SLC45A2: variants seen among roughly 807,000 people sequenced by gnomAD.
SLC45A2 encodes the protein solute carrier family 45 member 2, also known as membrane-associated transporter protein.
In SLC45A2, 36 loss-of-function variants were observed where a neutral mutation model predicts 45.5. The observed-to-expected ratio is 0.79, with a 90% CI of 0.61 to 1.04. SLC45A2 has a LOEUF of 1.04. SLC45A2 is among the 50% of genes least tolerant of loss of function. The pLI is 0.00. For synonymous variants in SLC45A2, 306 were observed against 269.3 expected (o/e 1.14, Z -1.33); for missense variants, 719 against 671.0 (o/e 1.07, Z -0.79).
chr5:33,969,065 C>CTCTGTGTGTGTGTGTG lies in SLC45A2; in HGVS notation c.563-5050_563-5049insCACACACACACACAGA. Among the ~76,000 whole-genome samples the CTCTGTGTGTGTGTGTG allele has an allele frequency of 7.2e-4, 74 of 102,464 alleles. 1 individual carries two copies. The Middle Eastern group carries it at 0.015, about 20-fold the overall frequency. The allele number at this position is 102,464 out of a possible 152,430, so 67.2% of individuals were successfully genotyped here. A position where few individuals can be genotyped will look rare whatever the true frequency, so the allele number is the denominator to read the frequency against. On this transcript the variant is annotated intron_variant, in intron 2 of 6. Coordinates refer to ENST00000296589, the MANE Select transcript of SLC45A2 (RefSeq NM_016180.5). ...AGCTACTCTCTCTCTCTCTCTCTCTCTGTGTGTGTGTGTGTGTGTGTGTGT... is the reference window on the plus strand; with the variant it reads ...AGCTACTCTCTCTCTCTCTCTCTCTCTCTGTGTGTGTGTGTGTGTGTGTGTGTGTGTGTGTGTGTGT...
intron 2 of SLC45A2, among the ~76,000 whole-genome samples, chr5:33,980,721 A>T (rs1419402989): frequency 6.6e-6 from 1 of 152,148 alleles, no homozygotes; most frequent in African/African-American, 2.4e-5. Context: ...GGAGAGAGAG[A>T]GACAGATGAT....
At chr5:33,964,653 G>A (rs184485867) in intron 2 of SLC45A2, among the ~76,000 whole-genome samples, 10 of 152,072 alleles carry the variant, frequency 6.6e-5, no homozygotes, top group East Asian at 1.9e-4. Context: ...TCCTATTATC[G>A]TTTCCCAGGA....
chr5:33,963,608 C>T, intron 3 of SLC45A2, 83 bp downstream of exon 3: 1 of 1,472,708 alleles, frequency 6.8e-7, no homozygotes. Flanking sequence ...GTCAAACAGA[C>T]AAAACAAACA....
Position 33,984,415 on chromosome 5 carries a change from TC to T in SLC45A2, c.168del (p.Thr57ProfsTer7), listed in dbSNP as rs1753181723. 5 of 1,613,292 alleles carry T rather than the reference TC, an allele frequency of 3.1e-6. No homozygotes were observed. On this transcript the variant is annotated frameshift_variant, in exon 1 of 7. Transcript: ENST00000296589. LOFTEE classifies it high-confidence loss of function. ...EFCYAVEAAY[V>X]TPVLLSVGLP... ...AGACCTACGCTGAGCAGGACTGGGG[TC>T]ACATACGCTGCCTCCACCGCGTAGC...
rs554432032 is a variant in SLC45A2 at position 33,977,970 on chromosome 5, A to G, written c.562+4266T>C. ...AATCTGGAAGCTATCAGTTGGCTCA[A>G]TTGGAGTGGGAAGAAACTGGAGACT... On this transcript the variant is annotated intron_variant, in intron 2 of 6. Transcript: ENST00000296589. Among the ~76,000 whole-genome samples, 49 of 152,336 alleles carry G rather than the reference A, an allele frequency of 3.2e-4. 2 individuals carry two copies. Among genetic ancestry groups the G allele is most frequent in the Admixed American group, 2.5e-3 (39 of 15,304 alleles).
rs756359597 is a variant in SLC45A2, at chr5:33,984,382, T to C, written c.202A>G (p.Ser68Gly). ...PVLLSVGLPS[S>G]LYSIVWFLSP... ...AGGAACCACACAATGCTGTACAGGC[T>C]GCTGGGCAGACCTACGCTGAGCAGG... Residue 68 changes from serine to glycine, a missense_variant, in exon 1 of 7, where the codon AGC (serine) becomes GGC (glycine). Transcript: ENST00000296589. 3 of 1,613,660 alleles carry C rather than the reference T, an allele frequency of 1.9e-6. No individual in the cohort carries two copies. The highest frequency in any genetic ancestry group is 2.2e-5 in the South Asian group (2 of 91,044).
chr5:33,961,236 T>C (rs1420640523), intron 3 of SLC45A2, among the ~76,000 whole-genome samples: 3 of 152,148 alleles, frequency 2.0e-5, no homozygotes, highest in Admixed American at 6.5e-5. Flanking sequence ...GCTGGATTAA[T>C]ATCAAAAACA....
chr5:33,984,208 C>T lies in SLC45A2; in HGVS notation c.376G>A (p.Val126Ile), dbSNP rs375501171. Residue 126 changes from valine to isoleucine, a missense_variant, in exon 1 of 7, where the codon GTT becomes ATT. Val to Ile is a conservative substitution (Grantham distance 29, BLOSUM62 3). Transcript: ENST00000296589. ...GMALYLNGATVVAALIANPRR... is the reference protein window; with the variant it reads ...GMALYLNGATIVAALIANPRR... ...TGTGCAGCCCACTTACCTGCTACAA[C>T]AGTAGCCCCATTGAGGTACAGAGCC... The T allele has an allele frequency of 2.5e-6, 4 of 1,614,040 alleles. No individual in the cohort carries two copies. The highest frequency in any genetic ancestry group is 3.4e-6 in the Non-Finnish European group (4 of 1,180,006).
At chr5:33,965,154 G>A (rs74894110) in intron 2 of SLC45A2, among the ~76,000 whole-genome samples, 3 of 151,330 alleles carry the variant, frequency 2.0e-5, no homozygotes, top group Admixed American at 6.6e-5. Flanking sequence ...TTTTTTTTGT[G>A]TGTGTGTATG....
intron 2 of SLC45A2, 112 bp downstream of exon 2, chr5:33,982,124 C>A: frequency 8.2e-7 from 1 of 1,218,346 alleles, no homozygotes; most frequent in Non-Finnish European, 1.2e-6. Flanking sequence ...AGCAGCCCAT[C>A]AGCTGACCCG....
intron 6 of SLC45A2, 100 bp downstream of exon 6, chr5:33,947,063 C>A (rs6894408): frequency 1.8e-5 from 29 of 1,612,262 alleles, no homozygotes; most frequent in Middle Eastern, 1.8e-4. Context: ...TTTCAAGAAC[C>A]CTTATTTTCC....
chr5:33,958,794 G>A (rs1032098971), intron 3 of SLC45A2, among the ~76,000 whole-genome samples: 1 of 152,068 alleles, frequency 6.6e-6, no homozygotes, highest in African/African-American at 2.4e-5. Flanking sequence ...TACTCGTGTG[G>A]GAGTTCCATG....
intron 2 of SLC45A2, among the ~76,000 whole-genome samples, chr5:33,965,047 A>G (rs1212344838): frequency 6.6e-6 from 1 of 152,152 alleles, no homozygotes; most frequent in Non-Finnish European, 1.5e-5. Context: ...TGTAGGACTG[A>G]TCCTCCTGTC....
intron 5 of SLC45A2, among the ~76,000 whole-genome samples, chr5:33,947,804 T>C (rs892695531): frequency 5.3e-5 from 8 of 152,148 alleles, no homozygotes; most frequent in Non-Finnish European, 7.4e-5. Context: ...CAAAGTCAGG[T>C]TGGGGAAAAT....
chr5:33,982,668 A>G (rs1753113657), intron 1 of SLC45A2, among the ~76,000 whole-genome samples: 1 of 152,162 alleles, frequency 6.6e-6, no homozygotes, highest in Admixed American at 6.5e-5. Flanking sequence ...AGTGGACGTG[A>G]CTATTGATGG....
rs1579564783 is a variant in SLC45A2, at chr5:33,984,458, C to T, written c.126G>A (p.Met42Ile). The T allele has an allele frequency of 5.0e-6, 8 of 1,613,844 alleles. No homozygotes were observed. The highest frequency in any genetic ancestry group is 4.4e-5 in the South Asian group (4 of 91,076). Residue 42 changes from methionine (M) to isoleucine (I), a missense_variant, in exon 1 of 7, where the codon ATG becomes ATA. Physicochemically the swap from Met to Ile is conservative, Grantham distance 10. Transcript: ENST00000296589. ...CCGCGTAGCAGAACTCTCTTCCGAA[C>T]ATGGCCATGCTGTGCATGATGAGTC... ...TSRLIMHSMA[M>I]FGREFCYAVE...
At position 33,963,463 on chromosome 5, in the gene SLC45A2, TAC is replaced by T. The variant is rs199667174; in HGVS notation, c.888+226_888+227del. On this transcript the variant is annotated intron_variant, in intron 3 of 6. Transcript: ENST00000296589. ...GGCTTCATCTTCCCTGGTTGGATGC[TAC>T]CTGAGAGGAGTAAGAGACAGGAGGA... Among the ~76,000 whole-genome samples the T allele has an allele frequency of 0.93, 141,866 of 152,082 alleles. 66,758 individuals are homozygous for T. The highest frequency in any genetic ancestry group is 0.99 in the Non-Finnish European group (67,441 of 68,026).
intron 1 of SLC45A2, 32 bp downstream of exon 1, chr5:33,984,167 C>T: frequency 6.2e-7 from 1 of 1,613,062 alleles, no homozygotes; most frequent in Non-Finnish European, 8.5e-7. Flanking sequence ...AGACACATAT[C>T]CCTGTCTGCC....
At chr5:33,959,065 T>C (rs1400673391) in intron 3 of SLC45A2, among the ~76,000 whole-genome samples, 2 of 152,182 alleles carry the variant, frequency 1.3e-5, no homozygotes, top group African/African-American at 4.8e-5. Context: ...GATTACTTTT[T>C]CCCTTTTTTT....
Sources: allele counts gnomAD v4.1 joint callset (sites outside exome capture counted in the v4.1 genomes callset), GRCh38; gene constraint gnomAD v4.1.1; transcripts MANE v1.5; gene names NCBI Gene and HGNC (gene_info 2026-07-23, HGNC 2026-07-21).